Variants in ALG13 observed in about 807,000 individuals in gnomAD.
The protein encoded by ALG13 is ALG13 UDP-N-acetylglucosaminyltransferase subunit.
Under a neutral mutation model 87.8 loss-of-function variants are expected in ALG13, and 11 were observed. The ratio of observed to expected loss-of-function variants is 0.13; its 90% CI spans 0.08 to 0.21. The LOEUF (loss-of-function observed/expected upper bound fraction) is 0.21. Ranked by LOEUF, ALG13 falls within the 10% of genes least tolerant of loss-of-function variation. The probability of loss-of-function intolerance (pLI) is 1.00; values close to 1 mark genes in which losing one functional copy is unlikely to be tolerated. For synonymous variants in ALG13, 320 were observed against 306.3 expected (o/e 1.04, Z -0.47); for missense variants, 756 against 866.1 (o/e 0.87, Z 1.60).
chrX:111,718,422 G>T, intron 10 of ALG13, 148 bp downstream of exon 10: 1 of 506,921 alleles, frequency 2.0e-6, no homozygotes. Context: ...TTAATGGGGG[G>T]AGAGTTTTAC....
At chrX:111,724,118 C>T (rs779089448) in intron 14 of ALG13, among the ~76,000 whole-genome samples, 1 of 111,996 alleles carries the variant, frequency 8.9e-6, no homozygotes, top group Non-Finnish European at 1.9e-5. Context: ...AGACACTAGC[C>T]TACTTATTAG....
chrX:111,756,610 A>G (rs2148505672), intron 25 of ALG13, among the ~76,000 whole-genome samples: 1 of 111,395 alleles, frequency 9.0e-6, no homozygotes, highest in African/African-American at 3.3e-5. Flanking sequence ...TCTGAAATAC[A>G]CTTGACTTAA....
chrX:111,712,443 A>G, intron 6 of ALG13, 41 bp from the exon 7 acceptor site: 1 of 1,022,093 alleles, frequency 9.8e-7, no homozygotes, highest in Non-Finnish European at 1.3e-6. Flanking sequence ...CCTCCTAGCT[A>G]CAGAATGTTT....
chrX:111,689,947 C>G, intron 3 of ALG13: 1 of 753,544 alleles, frequency 1.3e-6, no homozygotes, highest in Non-Finnish European at 1.6e-6. Flanking sequence ...TTACCTAGGA[C>G]TTAGAAATCT....
At chrX:111,734,147 A>G (rs1943005541) in intron 21 of ALG13, among the ~76,000 whole-genome samples, 1 of 112,434 alleles carries the variant, frequency 8.9e-6, no homozygotes, top group Non-Finnish European at 1.9e-5. Context: ...TTTGCTGTGC[A>G]GAAGCTTTTT....
chrX:111,760,193 A>C lies in ALG13; in HGVS notation c.*194A>C, dbSNP rs779584825. 13 of 457,003 alleles carry C rather than the reference A, an allele frequency of 2.8e-5. No homozygotes were observed. Among genetic ancestry groups the C allele is most frequent in the Non-Finnish European group, 4.2e-5 (12 of 282,436 alleles). 37.7% of individuals were successfully genotyped at this position (457,003 alleles called of 1,213,427 possible). On this transcript the variant is annotated 3_prime_UTR_variant, in exon 27 of 27. Transcript: ENST00000394780. ...GTATTATTTTGGGCTGTGACTAAGG[A>C]AATTGAGATGGATGTACAACTAGCC...
At position 111,709,044 on chromosome X, in the gene ALG13, A is replaced by C. The variant is rs1342978903; in HGVS notation, c.830A>C (p.Glu277Ala). The change falls in exon 5 of 27, where the codon GAG becomes GCG. Residue 277 changes from glutamate to alanine, a missense_variant. By Grantham distance (107) the Glu-to-Ala change is moderately radical. Coordinates refer to ENST00000394780, the MANE Select transcript of ALG13 (RefSeq NM_001099922.3). ...SYMRENQQTF[E>A]SYVEGSFEKY... ...ATGAGGGAAAATCAACAAACTTTTG[A>C]GTCTGTAAGTAGAATACATACCCAG... 1.7e-6 allele frequency: 2 copies of C among 1,143,106 alleles called. No homozygotes were observed. Among genetic ancestry groups the C allele is most frequent in the Non-Finnish European group, 2.4e-6 (2 of 846,851 alleles). The allele number at this position is 1,143,106 out of a possible 1,213,427, so 94.2% of individuals were successfully genotyped here. A position where few individuals can be genotyped will look rare whatever the true frequency, so the allele number is the denominator to read the frequency against.
Position 111,725,203 on chromosome X carries a change from A to G in ALG13, c.1729+142A>G, listed in dbSNP as rs1363749408. ...CAACTTTAGCATTACTGATAATGGAATGGATACTACTTCACTGTCGGGGGT... is the reference window on the plus strand; with the variant it reads ...CAACTTTAGCATTACTGATAATGGAGTGGATACTACTTCACTGTCGGGGGT... On this transcript the variant is annotated intron_variant, in intron 15 of 26. Transcript: ENST00000394780. The G allele has an allele frequency of 7.0e-6, 5 of 719,254 alleles. No individual in the cohort carries two copies. The African/African-American group carries it at 8.7e-5, about 13-fold the overall frequency. 59.3% of individuals were successfully genotyped at this position (719,254 alleles called of 1,213,427 possible).
At chrX:111,725,620 A>C (rs1436802178) in intron 15 of ALG13, among the ~76,000 whole-genome samples, 1 of 111,930 alleles carries the variant, frequency 8.9e-6, no homozygotes, top group Admixed American at 9.5e-5. Context: ...AATGTTCCCA[A>C]CATAAAGAAT....
Position 111,744,765 on chromosome X carries a change from A to G in ALG13, c.2793A>G (p.Pro931=), listed in dbSNP as rs1325128061. 1 of 866,667 alleles carries G rather than the reference A, an allele frequency of 1.2e-6. No homozygotes were observed. Among genetic ancestry groups the G allele is most frequent in the Non-Finnish European group, 1.5e-6 (1 of 669,394 alleles). 71.4% of individuals were successfully genotyped at this position (866,667 alleles called of 1,213,427 possible). The change falls in exon 24 of 27, where the codon CCA becomes CCG. Residue 931 remains proline (P), a synonymous_variant. Transcript: ENST00000394780. ...CACCACCACCACCACCACCACCACC[A>G]CCACCTCCTCCTCCTCCTCCTCCTC... The part of the protein sequence containing the change: ...PPPPPPPPPP[P]PPPPPPPPPP...
intron 2 of ALG13, among the ~76,000 whole-genome samples, chrX:111,684,330 CT>C (rs34620465): frequency 6.8e-4 from 73 of 106,672 alleles, no homozygotes; most frequent in Non-Finnish European, 1.3e-3. Flanking sequence ...TTTTTTTTTC[CT>C]TTTTTTTTGA....
intron 21 of ALG13, among the ~76,000 whole-genome samples, chrX:111,734,108 C>CT (rs1942998886): frequency 8.9e-6 from 1 of 112,151 alleles, no homozygotes; most frequent in Admixed American, 9.5e-5. Flanking sequence ...TGTGGGTTGT[C>CT]TATCTGTTTA....
At chrX:111,706,452 G>A (rs1938780808) in intron 3 of ALG13, among the ~76,000 whole-genome samples, 1 of 112,753 alleles carries the variant, frequency 8.9e-6, no homozygotes, top group Non-Finnish European at 1.9e-5. Context: ...CAGTGTTACA[G>A]TTTCTTTAAA....
intron 23 of ALG13, 94 bp downstream of exon 23, chrX:111,736,973 A>G: frequency 1.4e-6 from 1 of 720,368 alleles, no homozygotes; most frequent in Non-Finnish European, 1.9e-6. Flanking sequence ...CCATTACTTT[A>G]ATTTCCAGAA....
intron 26 of ALG13, 142 bp downstream of exon 26, chrX:111,757,904 CCTAAG>C: frequency 1.8e-6 from 1 of 549,409 alleles, no homozygotes; most frequent in Non-Finnish European, 2.9e-6. Context: ...TCTTGTGGTC[CCTAAG>C]ACTCTTTCAA....
In ALG13 at chrX:111,709,139, A is replaced by G. The variant is rs929184296; in HGVS notation, c.834+91A>G. On this transcript the variant is annotated intron_variant, in intron 5 of 26. Transcript: ENST00000394780. ...GCACCTACCAAAATTAAACTATATC[A>G]TGCTGTCTCCTCAATAGCAAATATA... The G allele has an allele frequency of 2.0e-5, 9 of 442,211 alleles. No homozygotes were observed. In the African/African-American group the frequency reaches 2.3e-4, roughly 11 times the overall value. The allele number at this position is 442,211 out of a possible 1,213,427, so 36.4% of individuals were successfully genotyped here. A position where few individuals can be genotyped will look rare whatever the true frequency, so the allele number is the denominator to read the frequency against.
At chrX:111,688,901 A>G (rs1935621893) in intron 3 of ALG13, 9 of 750,584 alleles carry the variant, frequency 1.2e-5, no homozygotes, top group Non-Finnish European at 1.4e-5. Flanking sequence ...ATTATCCTTA[A>G]GTGTCCATAG....
intron 12 of ALG13, 23 bp downstream of exon 12, chrX:111,721,734 C>T: frequency 9.7e-7 from 1 of 1,034,672 alleles, no homozygotes; most frequent in Non-Finnish European, 1.3e-6. Flanking sequence ...CAACAGGATA[C>T]TTTTGAATCC....
chrX:111,711,585 C>CA, intron 5 of ALG13, 90 bp from the exon 6 acceptor site: 2 of 865,082 alleles, frequency 2.3e-6, no homozygotes, highest in East Asian at 6.5e-5. Flanking sequence ...TTGAGCTGAG[C>CA]AAAAAACGCA....
Sources: gnomAD v4.1 joint callset for allele counts (sites outside exome capture counted in the v4.1 genomes callset) on GRCh38, gnomAD v4.1.1 for gene constraint, MANE v1.5 for transcripts, NCBI Gene and HGNC (gene_info 2026-07-23, HGNC 2026-07-21) for gene names.